ADGRD1: variants seen among roughly 807,000 people sequenced by gnomAD.
The protein encoded by ADGRD1 is G-protein coupled receptor 133.
A neutral mutation model predicts 113.4 loss-of-function variants in ADGRD1; 77 were observed. That is an observed-to-expected ratio of 0.68 (90% confidence interval 0.57 to 0.82). ADGRD1 has a LOEUF of 0.82. Ranked by LOEUF, ADGRD1 falls within the 40% of genes least tolerant of loss-of-function variation. ADGRD1 has a pLI of 0.00. For synonymous variants in ADGRD1, 474 were observed against 475.0 expected, an observed-to-expected ratio of 1.00 and a Z score of 0.03; for missense variants, 1,036 against 1,139.1, an observed-to-expected ratio of 0.91 and a Z score of 1.30.
At chr12:131,020,782 G>A (rs1879229797) in intron 13 of ADGRD1, among the ~76,000 whole-genome samples, 1 of 152,236 alleles carries the variant, frequency 6.6e-6, no homozygotes, top group African/African-American at 2.4e-5. Context: ...CCCTCCTCTA[G>A]GTGTGGCTCT....
chr12:131,028,235 A>C (rs1369703547), intron 13 of ADGRD1, among the ~76,000 whole-genome samples: 1 of 151,718 alleles, frequency 6.6e-6, no homozygotes, highest in Non-Finnish European at 1.5e-5. Context: ...TGTTTATTGG[A>C]TATCAATATC....
At position 131,084,361 on chromosome 12, in the gene ADGRD1, T is replaced by A. The variant is rs1886296743; in HGVS notation, c.1548-179T>A. On this transcript the variant is annotated intron_variant, in intron 14 of 24. Coordinates refer to ENST00000261654, the MANE Select transcript of ADGRD1 (RefSeq NM_198827.5). This position sits in a 1 kb window ranked among gnomAD's most constrained non-coding sequence, Gnocchi z 4.5. ...CACTCTCCAGCTCTCGCCAGCCTGA[T>A]GGCCAGAATCTCTCCTCCCAACCCC... Among the ~76,000 whole-genome samples the A allele has an allele frequency of 6.6e-6, 1 of 152,142 alleles. No homozygotes were observed. Among genetic ancestry groups the A allele is most frequent in the Admixed American group, 6.5e-5 (1 of 15,282 alleles).
intron 23 of ADGRD1, chr12:131,137,597 C>T (rs930908618): frequency 4.9e-6 from 1 of 205,894 alleles, no homozygotes. Flanking sequence ...GCAGAGGGGC[C>T]GTCCTGCCCG....
chr12:131,004,117 T>C, intron 10 of ADGRD1, 69 bp from the exon 11 acceptor site: 1 of 939,198 alleles, frequency 1.1e-6, no homozygotes, highest in Non-Finnish European at 1.7e-6. Context: ...AGACGGGGTT[T>C]TGCAGTCTGA....
chr12:131,054,681 G>T (rs1290316580), intron 13 of ADGRD1, among the ~76,000 whole-genome samples: 1 of 152,158 alleles, frequency 6.6e-6, no homozygotes, highest in Admixed American at 6.5e-5. Context: ...AGAACTCGAG[G>T]GGCCCTCCAC....
At chr12:130,972,639 G>A (rs1871811621) in intron 4 of ADGRD1, among the ~76,000 whole-genome samples, 1 of 152,062 alleles carries the variant, frequency 6.6e-6, no homozygotes, top group Admixed American at 6.6e-5. Flanking sequence ...ACAACCATGG[G>A]CTCGGCGTGA....
rs1426064295 is a variant in ADGRD1, at chr12:131,046,128, C to T, written c.1474-30673C>T. On this transcript the variant is annotated intron_variant, in intron 13 of 24. Transcript: ENST00000261654. ...CTCCCAGGTCAGTGTCCTCCCTGGT[C>T]AGTGCTCCCTCTCTGCTCGGTGTCC... Among the ~76,000 whole-genome samples the T allele has an allele frequency of 2.8e-5, 4 of 145,400 alleles. No individual in the cohort carries two copies. The South Asian group carries it at 7.0e-4, about 25-fold the overall frequency.
At chr12:131,066,265 G>A (rs763595208) in intron 13 of ADGRD1, among the ~76,000 whole-genome samples, 19 of 152,188 alleles carry the variant, frequency 1.2e-4, no homozygotes, top group Non-Finnish European at 1.9e-4. Context: ...GAGGGCGGAG[G>A]ATGTGATCTC....
rs756987471 is a variant in ADGRD1, at chr12:131,113,527, G to C, written c.2041+4650G>C. 2.0e-5 allele frequency among the ~76,000 whole-genome samples: 3 copies of C among 152,196 alleles called. No homozygotes were observed. The highest frequency in any genetic ancestry group is 4.4e-5 in the Non-Finnish European group (3 of 68,028). ...AATACGTTTAATTTTCACAGTCTTT[G>C]TTATGCAAGTAGCAGGTAAACAGGC... On this transcript the variant is annotated intron_variant, in intron 18 of 24. Transcript: ENST00000261654. The surrounding 1 kb of genome is among the most constrained non-coding windows in gnomAD (Gnocchi z 4.9).
intron 13 of ADGRD1, chr12:131,024,772 C>T (rs1322279209): frequency 6.6e-6 from 1 of 152,258 alleles, no homozygotes; most frequent in Non-Finnish European, 1.5e-5. Context: ...TGATGCAAGA[C>T]TGTACTCCTT....
At chr12:130,968,982 C>T (rs1467889815) in intron 3 of ADGRD1, 45 of 1,531,294 alleles carry the variant, frequency 2.9e-5, no homozygotes, top group South Asian at 7.1e-5. Flanking sequence ...CCCAGCGTCC[C>T]GAACCCACAA....
At chr12:131,013,361 C>T (rs953513191) in intron 12 of ADGRD1, among the ~76,000 whole-genome samples, 11 of 152,124 alleles carry the variant, frequency 7.2e-5, no homozygotes, top group African/African-American at 2.4e-4. Context: ...TCAGCAATTC[C>T]CTTCTCAATC....
intron 14 of ADGRD1, among the ~76,000 whole-genome samples, chr12:131,081,274 T>C (rs1044003860): frequency 6.6e-6 from 1 of 152,236 alleles, no homozygotes; most frequent in African/African-American, 2.4e-5. Flanking sequence ...AGACAATTTA[T>C]ATTTCATGTA....
chr12:131,101,842 C>T (rs1277976353), intron 15 of ADGRD1, among the ~76,000 whole-genome samples: 1 of 152,166 alleles, frequency 6.6e-6, no homozygotes, highest in African/African-American at 2.4e-5. Flanking sequence ...TTTCAGTTGT[C>T]TTAGAAAGAT....
chr12:130,982,991 C>T (rs1029424726), intron 5 of ADGRD1, among the ~76,000 whole-genome samples: 1 of 152,178 alleles, frequency 6.6e-6, no homozygotes, highest in Non-Finnish European at 1.5e-5. Flanking sequence ...AAGGGAAATC[C>T]ATTTTCTGGC....
At chr12:130,974,191 T>C (rs952999389) in intron 4 of ADGRD1, among the ~76,000 whole-genome samples, 1 of 152,144 alleles carries the variant, frequency 6.6e-6, no homozygotes, top group Non-Finnish European at 1.5e-5. Context: ...CTTGTACTTC[T>C]GTGTGCGGGA....
chr12:131,084,300 GAGGGCCTTGCTTCCTGT>G lies in ADGRD1; in HGVS notation c.1548-239_1548-223del, dbSNP rs1886289506. Among the ~76,000 whole-genome samples the G allele has an allele frequency of 6.6e-6, 1 of 152,134 alleles. No homozygotes were observed. Among genetic ancestry groups the G allele is most frequent in the Non-Finnish European group, 1.5e-5 (1 of 68,022 alleles). ...AGCTCCCCCTTCCCTGTCCCAGAGG[GAGGGCCTTGCTTCCTGT>G]GGCCTGACCAGCAGCAGACACTCTC... On this transcript the variant is annotated intron_variant, in intron 14 of 24. Coordinates refer to ENST00000261654, the MANE Select transcript of ADGRD1 (RefSeq NM_198827.5). The surrounding 1 kb of genome is among the most constrained non-coding windows in gnomAD (Gnocchi z 4.5).
At chr12:131,039,543 G>GTT (rs1881901051) in intron 13 of ADGRD1, among the ~76,000 whole-genome samples, 1 of 152,220 alleles carries the variant, frequency 6.6e-6, no homozygotes, top group Non-Finnish European at 1.5e-5. Flanking sequence ...CTCTGACAAG[G>GTT]GACAGCTCTG....
intron 21 of ADGRD1, among the ~76,000 whole-genome samples, chr12:131,133,578 G>A (rs899786783): frequency 6.6e-6 from 1 of 152,200 alleles, no homozygotes; most frequent in Non-Finnish European, 1.5e-5. Flanking sequence ...GGCAGCCCAG[G>A]GATGCGTCCC....
Sources: allele counts gnomAD v4.1 joint callset (sites outside exome capture counted in the v4.1 genomes callset), GRCh38; gene constraint gnomAD v4.1.1; non-coding constraint Gnocchi (gnomAD v3.1); transcripts MANE v1.5; gene names NCBI Gene and HGNC (gene_info 2026-07-23, HGNC 2026-07-21).